Variants in IFT81 observed in about 807,000 individuals in gnomAD.
IFT81 encodes the protein intraflagellar transport 81.
A neutral mutation model predicts 102.6 loss-of-function variants in IFT81; 72 were observed. That is an observed-to-expected ratio of 0.70 (90% CI 0.58 to 0.85). The LOEUF is 0.85. Among genes scored for constraint, IFT81 ranks in the 40% least tolerant of loss-of-function variants. IFT81 has a pLI of 0.00. For synonymous variants in IFT81, 237 were observed against 242.7 expected, an observed-to-expected ratio of 0.98 and a Z score of 0.22; for missense variants, 723 against 787.3, an observed-to-expected ratio of 0.92 and a Z score of 0.98.
intron 15 of IFT81, 47 bp downstream of exon 15, chr12:110,203,997 G>C (rs1375773332): frequency 8.5e-7 from 1 of 1,182,390 alleles, no homozygotes; most frequent in Non-Finnish European, 1.2e-6. Context: ...AACTACCTGT[G>C]TGTACACCTG....
chr12:110,172,143 G>A (rs1450843075), intron 11 of IFT81: 2 of 152,094 alleles, frequency 1.3e-5, no homozygotes, highest in Non-Finnish European at 2.9e-5. Context: ...TTAAAAAATG[G>A]TTCTGGCCAG....
At chr12:110,215,203 T>C (rs1869921010) in intron 18 of IFT81, among the ~76,000 whole-genome samples, 1 of 151,984 alleles carries the variant, frequency 6.6e-6, no homozygotes, top group African/African-American at 2.4e-5. Flanking sequence ...ACTAGTATAT[T>C]GACCGTATGT....
chr12:110,214,059 C>T (rs900506179), intron 18 of IFT81, among the ~76,000 whole-genome samples: 5 of 152,122 alleles, frequency 3.3e-5, no homozygotes, highest in Admixed American at 2.0e-4. Flanking sequence ...AGGAAGCCTT[C>T]TTGAAGCTGA....
chr12:110,170,254 G>A (rs970910985), intron 11 of IFT81, among the ~76,000 whole-genome samples: 1 of 152,174 alleles, frequency 6.6e-6, no homozygotes, highest in Non-Finnish European at 1.5e-5. Context: ...TGCCTGGCCA[G>A]GTTTTTTAAT....
chr12:110,155,465 CAT>C (rs1895789488), intron 10 of IFT81, among the ~76,000 whole-genome samples: 1 of 149,980 alleles, frequency 6.7e-6, no homozygotes, highest in African/African-American at 2.5e-5. Flanking sequence ...TACTTGCCAC[CAT>C]GCCCAACTAA....
intron 10 of IFT81, among the ~76,000 whole-genome samples, chr12:110,151,448 GT>G (rs1337428830): frequency 6.6e-6 from 1 of 151,968 alleles, no homozygotes; most frequent in Admixed American, 6.6e-5. Flanking sequence ...CATTTAGGTT[GT>G]TTTCACTTTT....
intron 18 of IFT81, among the ~76,000 whole-genome samples, chr12:110,216,140 C>G (rs1386826950): frequency 6.6e-6 from 1 of 151,848 alleles, no homozygotes; most frequent in Non-Finnish European, 1.5e-5. Context: ...CAAGTAAATA[C>G]TTTTATTTTC....
Position 110,218,358 on chromosome 12 carries a change from A to T in IFT81, c.*132A>T, listed in dbSNP as rs866722300. The T allele has an allele frequency of 1.0e-5, 6 of 601,706 alleles. No individual in the cohort carries two copies. The highest frequency in any genetic ancestry group is 1.6e-5 in the Non-Finnish European group (6 of 369,992). 37.3% of individuals were successfully genotyped at this position (601,706 alleles called of 1,614,324 possible). A position where few individuals can be genotyped will look rare whatever the true frequency, so the allele number is the denominator to read the frequency against. ...AAGAGCCATTCTTTATTAAGTTTTC[A>T]TAGAAAATAATGTTAAGGTAGATTT... is the stretch of plus-strand genomic sequence containing the variant. On this transcript the variant is annotated 3_prime_UTR_variant, in exon 19 of 19. Transcript: ENST00000242591.
At chr12:110,154,123 C>T (rs1411011533) in intron 10 of IFT81, among the ~76,000 whole-genome samples, 1 of 151,686 alleles carries the variant, frequency 6.6e-6, no homozygotes, top group Non-Finnish European at 1.5e-5. Flanking sequence ...GCTGAGATTA[C>T]AGGTGCCTGC....
rs896947103 is a variant in IFT81 at position 110,218,587 on chromosome 12, A to T, written c.*361A>T. ...TGTTTTTCTTAATCTCTTTTAAAAA[A>T]ACTTTAGAAGAATCTTTTAGGAACT... On this transcript the variant is annotated 3_prime_UTR_variant, in exon 19 of 19. Coordinates refer to ENST00000242591, the MANE Select transcript of IFT81 (RefSeq NM_014055.4). 6.3e-6 allele frequency: 1 copy of T among 159,002 alleles called. No individual in the cohort carries two copies. The highest frequency in any genetic ancestry group is 1.4e-5 in the Non-Finnish European group (1 of 72,810). 9.8% of individuals were successfully genotyped at this position (159,002 alleles called of 1,614,324 possible).
chr12:110,149,829 T>A (rs895731960), intron 10 of IFT81, among the ~76,000 whole-genome samples: 4 of 152,142 alleles, frequency 2.6e-5, no homozygotes, highest in African/African-American at 9.7e-5. Context: ...CCTCTTGATG[T>A]CCGGCCACTT....
At chr12:110,179,773 T>TATACACACAC (rs774113734) in intron 11 of IFT81, among the ~76,000 whole-genome samples, 5 of 50,452 alleles carry the variant, frequency 9.9e-5, no homozygotes, top group East Asian at 1.8e-3. Flanking sequence ...TATATATATA[T>TATACACACAC]ACACACACAC....
At chr12:110,179,410 G>A (rs763502404) in intron 11 of IFT81, among the ~76,000 whole-genome samples, 5 of 151,736 alleles carry the variant, frequency 3.3e-5, no homozygotes, top group Non-Finnish European at 7.4e-5. Context: ...AAAATGAATA[G>A]CTTTTATATA....
rs193085014 is a variant in IFT81, at chr12:110,155,319, G to T, written c.1042-7600G>T. Among the ~76,000 whole-genome samples, 1,485 of 151,446 alleles carry T rather than the reference G, an allele frequency of 9.8e-3. 15 individuals are homozygous for T. The highest frequency in any genetic ancestry group is 0.027 in the Middle Eastern group (8 of 294). On this transcript the variant is annotated intron_variant, in intron 10 of 18. Coordinates refer to ENST00000242591, the MANE Select transcript of IFT81 (RefSeq NM_014055.4). ...CTTGGATCATGTGGTTTCTTGGGGG[G>T]TTTTTTTTGAGATGGAGTTTCACTC...
At chr12:110,207,334 A>C (rs1212255725) in intron 17 of IFT81, among the ~76,000 whole-genome samples, 4 of 152,144 alleles carry the variant, frequency 2.6e-5, no homozygotes, top group Admixed American at 6.5e-5. Context: ...TGCTGGGATT[A>C]CAGGCATGAG....
rs191702312 is a variant in IFT81 at position 110,205,384 on chromosome 12, G to A, written c.1645-59G>A. On this transcript the variant is annotated intron_variant, in intron 15 of 18. Transcript: ENST00000242591. ...CCTTTGTTGTACATCTAAAGTCATC[G>A]TCGCCATATCTGTCTCATTCTTTCG... is the stretch of plus-strand genomic sequence containing the variant. 1.4e-5 allele frequency: 21 copies of A among 1,512,128 alleles called. No individual in the cohort carries two copies. In the East Asian group the frequency reaches 3.1e-4, roughly 22 times the overall value. The allele number at this position is 1,512,128 out of a possible 1,614,324, so 93.7% of individuals were successfully genotyped here. A position where few individuals can be genotyped will look rare whatever the true frequency, so the allele number is the denominator to read the frequency against.
chr12:110,151,140 C>T (rs1167841677), intron 10 of IFT81, among the ~76,000 whole-genome samples: 1 of 152,030 alleles, frequency 6.6e-6, no homozygotes, highest in Admixed American at 6.6e-5. Context: ...TTTTATCACC[C>T]CTAAAAGAAA....
chr12:110,174,277 CAAAAAAAAAAAAAAAAAA>C (rs61353726), intron 11 of IFT81, among the ~76,000 whole-genome samples: 1 of 35,256 alleles, frequency 2.8e-5, no homozygotes, highest in African/African-American at 1.1e-4. Context: ...GACTCCGTCT[CAAAAAAAAAAAAAAAAAA>C]AAAAAAAAAA....
chr12:110,165,651 G>T (rs1013138280), intron 11 of IFT81, among the ~76,000 whole-genome samples: 5 of 152,174 alleles, frequency 3.3e-5, no homozygotes, highest in African/African-American at 1.2e-4. Flanking sequence ...TGTAAAAGGT[G>T]TTGTTACCAT....
Sources: allele counts gnomAD v4.1 joint callset (sites outside exome capture counted in the v4.1 genomes callset), GRCh38; gene constraint gnomAD v4.1.1; transcripts MANE v1.5; gene names NCBI Gene and HGNC (gene_info 2026-07-23, HGNC 2026-07-21).